The following OR2V2 variants were observed in gnomAD, a reference collection of about 807,000 sequenced individuals.
OR2V2 encodes olfactory receptor family 2 subfamily V member 2, also known as olfactory receptor 2V2.
For missense variants in OR2V2, 392 were observed against 392.2 expected, an observed-to-expected ratio of 1.00 and a Z score of 0.00; for synonymous variants, 161 against 151.3, an observed-to-expected ratio of 1.06 and a Z score of -0.47.
chr5:181,154,955 G>C lies in OR2V2; in HGVS notation c.13G>C (p.Val5Leu). The part of the protein sequence containing the change: METW[V>L]NQSYTDGFFL... ...CAACAACCGAGCCATGGAGACGTGG[G>C]TGAACCAGTCCTACACAGATGGCTT... The change falls in exon 2 of 2, where the codon GTG becomes CTG. Residue 5 changes from valine to leucine, a missense_variant. Physicochemically the swap from Val to Leu is conservative, Grantham distance 32. Coordinates refer to ENST00000641492, the MANE Select transcript of OR2V2 (RefSeq NM_206880.2). 6.2e-7 allele frequency: 1 copy of C among 1,613,416 alleles called. No homozygotes were observed. Among genetic ancestry groups the C allele is most frequent in the Non-Finnish European group, 8.5e-7 (1 of 1,179,366 alleles).
chr5:181,153,704 T>G (rs1003485820), intron 1 of OR2V2, among the ~76,000 whole-genome samples: 2 of 152,084 alleles, frequency 1.3e-5, no homozygotes, highest in Non-Finnish European at 2.9e-5. Flanking sequence ...AAAATAATTC[T>G]TGGCTAAATA....
intron 1 of OR2V2, among the ~76,000 whole-genome samples, chr5:181,151,653 T>G (rs564826184): frequency 6.6e-6 from 1 of 152,224 alleles, no homozygotes; most frequent in South Asian, 2.1e-4. Flanking sequence ...GCTTGGTTGT[T>G]TTCTGTCTGA....
chr5:181,153,749 A>G (rs924313844), intron 1 of OR2V2, among the ~76,000 whole-genome samples: 1 of 152,254 alleles, frequency 6.6e-6, no homozygotes, highest in Non-Finnish European at 1.5e-5. Flanking sequence ...CAGGCTCCAA[A>G]TAAATCCATT....
chr5:181,155,067 G>A lies in OR2V2; in HGVS notation c.125G>A (p.Gly42Glu). Residue 42 changes from glycine to glutamate, a missense_variant, in exon 2 of 2, where the codon GGG becomes GAG. Coordinates refer to ENST00000641492, the MANE Select transcript of OR2V2 (RefSeq NM_206880.2). ...GCGGTCTTCACAGTGGCCCTCTGTG[G>A]GAATGTCCTCCTCATCTTCCTCATC... ...VMAVFTVALCGNVLLIFLIYM... is the reference protein window; with the variant it reads ...VMAVFTVALCENVLLIFLIYM... The A allele has an allele frequency of 6.2e-7, 1 of 1,614,080 alleles. No homozygotes were observed. Among genetic ancestry groups the A allele is most frequent in the African/African-American group, 1.3e-5 (1 of 75,010 alleles).
intron 1 of OR2V2, among the ~76,000 whole-genome samples, chr5:181,151,970 G>A (rs1433279366): frequency 1.4e-5 from 2 of 143,826 alleles, no homozygotes; most frequent in South Asian, 2.2e-4. Context: ...GAGACAGAGC[G>A]AGGCCCTGTC....
intron 1 of OR2V2, among the ~76,000 whole-genome samples, chr5:181,149,184 TG>T (rs1426253056): frequency 6.6e-6 from 1 of 152,054 alleles, no homozygotes; most frequent in African/African-American, 2.4e-5. Flanking sequence ...CCAGGGAGGC[TG>T]CAAAGATCAT....
At chr5:181,151,626 C>T (rs375640567) in intron 1 of OR2V2, among the ~76,000 whole-genome samples, 6 of 152,006 alleles carry the variant, frequency 3.9e-5, no homozygotes, top group Non-Finnish European at 8.8e-5. Context: ...TTGTAGGGCG[C>T]GCAGCTGAAA....
chr5:181,151,441 G>A (rs771930346), intron 1 of OR2V2, among the ~76,000 whole-genome samples: 11 of 152,204 alleles, frequency 7.2e-5, no homozygotes, highest in Admixed American at 1.3e-4. Context: ...TCAGGAGGCT[G>A]TACTGACCCC....
chr5:181,155,424 TG>T lies in OR2V2; in HGVS notation c.484del (p.Val162TrpfsTer2). 1 of 1,614,230 alleles carries T rather than the reference TG, an allele frequency of 6.2e-7. No homozygotes were observed. The highest frequency in any genetic ancestry group is 1.3e-5 in the African/African-American group (1 of 75,066). ...AFGIIDGLIQ[M>X]VVVMNFPYCG... Reference sequence around the variant, plus strand: ...GGGATAATCGATGGCTTGATCCAGATGGTGGTAGTAATGAATTTCCCCTACT... The same window carrying T: ...GGGATAATCGATGGCTTGATCCAGATGTGGTAGTAATGAATTTCCCCTACT... On this transcript the variant is annotated frameshift_variant, in exon 2 of 2. Coordinates refer to ENST00000641492, the MANE Select transcript of OR2V2 (RefSeq NM_206880.2). LOFTEE classifies it low-confidence loss of function (END_TRUNC).
At chr5:181,148,243 C>G (rs1007292941) in intron 1 of OR2V2, among the ~76,000 whole-genome samples, 1 of 152,162 alleles carries the variant, frequency 6.6e-6, no homozygotes, top group African/African-American at 2.4e-5. Flanking sequence ...TCTTACTCCC[C>G]TTTTCCTGTC....
chr5:181,150,978 A>T (rs1270389512), intron 1 of OR2V2, among the ~76,000 whole-genome samples: 1 of 152,024 alleles, frequency 6.6e-6, no homozygotes, highest in Non-Finnish European at 1.5e-5. Flanking sequence ...CGACAACAGG[A>T]AAAAAGCCCC....
chr5:181,157,885 T>C lies in OR2V2; in HGVS notation c.*1995T>C, dbSNP rs1490654312. On this transcript the variant is annotated 3_prime_UTR_variant, in exon 2 of 2. Coordinates refer to ENST00000641492, the MANE Select transcript of OR2V2 (RefSeq NM_206880.2). ...TGTTTCAACCACAACTCTTTATCTA[T>C]AGCCACTGAACCCCTAGACTGGAAG... 6.6e-6 allele frequency: 1 copy of C among 152,156 alleles called. No homozygotes were observed. The highest frequency in any genetic ancestry group is 1.9e-4 in the East Asian group (1 of 5,192). The allele number at this position is 152,156 out of a possible 1,614,324, so 9.4% of individuals were successfully genotyped here.
chr5:181,156,132 G>A lies in OR2V2; in HGVS notation c.*242G>A. ...TTTCTCTTTCTTTCTTTTTCTTTCA[G>A]TTCTTACTCTGTCACCCAGGCTAGA... On this transcript the variant is annotated 3_prime_UTR_variant, in exon 2 of 2. Transcript: ENST00000641492. 2.3e-6 allele frequency: 1 copy of A among 429,456 alleles called. No homozygotes were observed. Among genetic ancestry groups the A allele is most frequent in the African/African-American group, 2.2e-5 (1 of 45,178 alleles). 26.6% of individuals were successfully genotyped at this position (429,456 alleles called of 1,614,324 possible).
chr5:181,155,720 T>C lies in OR2V2; in HGVS notation c.778T>C (p.Tyr260His). ...TLFYGAAMFIYLRPRHYRAPS... is the reference protein window; with the variant it reads ...TLFYGAAMFIHLRPRHYRAPS... Reference sequence around the variant, plus strand: ...CTTCTATGGGGCAGCCATGTTCATCTACCTGAGGCCTAGGCACTACCGGGC... The same window carrying C: ...CTTCTATGGGGCAGCCATGTTCATCCACCTGAGGCCTAGGCACTACCGGGC... The change falls in exon 2 of 2, where the codon TAC (tyrosine) becomes CAC (histidine). Residue 260 changes from tyrosine to histidine, a missense_variant. Transcript: ENST00000641492. 1 of 1,614,224 alleles carries C rather than the reference T, an allele frequency of 6.2e-7. No individual in the cohort carries two copies. The highest frequency in any genetic ancestry group is 8.5e-7 in the Non-Finnish European group (1 of 1,180,036).
chr5:181,155,175 A>T lies in OR2V2; in HGVS notation c.233A>T (p.Asn78Ile), dbSNP rs761837489. ...ATGGACCTCATGTTGGTCTGTACCA[A>T]TGTGCCAAAGATGGCAGCCAACTTC... ...SLMDLMLVCT[N>I]VPKMAANFLS... Residue 78 changes from asparagine to isoleucine, a missense_variant, in exon 2 of 2, where the codon AAT (asparagine) becomes ATT (isoleucine). Physicochemically the swap from Asn to Ile is moderately radical, Grantham distance 149. Transcript: ENST00000641492. 88 of 1,613,816 alleles carry T rather than the reference A, an allele frequency of 5.5e-5. 1 individual carries two copies. The African/African-American group carries it at 5.6e-4, about 10-fold the overall frequency.
chr5:181,153,496 G>A (rs1267141635), intron 1 of OR2V2, among the ~76,000 whole-genome samples: 1 of 151,994 alleles, frequency 6.6e-6, no homozygotes, highest in Non-Finnish European at 1.5e-5. Context: ...AGACCAGCTC[G>A]GGCAAGATGG....
chr5:181,157,303 G>A lies in OR2V2; in HGVS notation c.*1413G>A, dbSNP rs953775155. On this transcript the variant is annotated 3_prime_UTR_variant, in exon 2 of 2. Coordinates refer to ENST00000641492, the MANE Select transcript of OR2V2 (RefSeq NM_206880.2). The stretch of plus-strand genomic sequence containing the variant: ...GGAAGTGGCACCCAGGGCCTACCGT[G>A]GTTGACTTTAGATTGTCCACTCAGC... 2 of 152,258 alleles carry A rather than the reference G, an allele frequency of 1.3e-5. No homozygotes were observed. The highest frequency in any genetic ancestry group is 2.9e-5 in the Non-Finnish European group (2 of 68,080). 9.4% of individuals were successfully genotyped at this position (152,258 alleles called of 1,614,324 possible). A position where few individuals can be genotyped will look rare whatever the true frequency, so the allele number is the denominator to read the frequency against.
rs545666421 is a variant in OR2V2 at position 181,157,873 on chromosome 5, A to G, written c.*1983A>G. ...AAGTACCTTGAGTGTTTCAACCACA[A>G]CTCTTTATCTATAGCCACTGAACCC... On this transcript the variant is annotated 3_prime_UTR_variant, in exon 2 of 2. Coordinates refer to ENST00000641492, the MANE Select transcript of OR2V2 (RefSeq NM_206880.2). The G allele has an allele frequency of 6.6e-6, 1 of 152,102 alleles. No homozygotes were observed. Among genetic ancestry groups the G allele is most frequent in the African/African-American group, 2.4e-5 (1 of 41,456 alleles). 9.4% of individuals were successfully genotyped at this position (152,102 alleles called of 1,614,324 possible).
At chr5:181,154,647 AG>A (rs35332873) in intron 1 of OR2V2, among the ~76,000 whole-genome samples, 4 of 151,896 alleles carry the variant, frequency 2.6e-5, no homozygotes, top group Non-Finnish European at 5.9e-5. Flanking sequence ...TGCCTGCTGA[AG>A]GGGGTTGTCC....
Sources: gnomAD v4.1 joint callset for allele counts (sites outside exome capture counted in the v4.1 genomes callset) on GRCh38, gnomAD v4.1.1 for gene constraint, MANE v1.5 for transcripts, NCBI Gene and HGNC (gene_info 2026-07-23, HGNC 2026-07-21) for gene names.